STRIP2: variants seen among roughly 807,000 people sequenced by gnomAD.
STRIP2 encodes the protein striatin-interacting protein 2.
STRIP2 carries 84 observed loss-of-function variants against 107.1 expected under a neutral mutation model. The observed-to-expected ratio is 0.78, with a 90% CI of 0.66 to 0.94. The LOEUF (loss-of-function observed/expected upper bound fraction) is 0.94, where lower values mean the gene tolerates loss of function less well. Ranked by LOEUF, STRIP2 falls within the 40% of genes least tolerant of loss-of-function variation. The probability of loss-of-function intolerance (pLI) is 0.00; values close to 1 mark genes in which losing one functional copy is unlikely to be tolerated. For missense variants in STRIP2, 888 were observed against 1,034.2 expected (o/e 0.86, Z 1.94); for synonymous variants, 394 against 400.4 (o/e 0.98, Z 0.19).
chr7:129,456,616 C>G lies in STRIP2; in HGVS notation c.1012C>G (p.Leu338Val). 6.2e-7 allele frequency: 1 copy of G among 1,614,088 alleles called. No individual in the cohort carries two copies. The change falls in exon 9 of 21, where the codon CTG becomes GTG. Residue 338 changes from leucine (L) to valine (V), a missense_variant. Coordinates refer to ENST00000249344, the MANE Select transcript of STRIP2 (RefSeq NM_020704.3). ...TCAGCTGGCACCCCCACCCTCCAAG[C>G]TGCGAGGCCGCCGTGGCTCTCGAAG... ...ESQLAPPPSK[L>V]RGRRGSRRQL... is the part of the protein sequence containing the mutation.
intron 19 of STRIP2, 58 bp downstream of exon 19, chr7:129,480,947 A>T (rs1433101495): frequency 1.5e-6 from 2 of 1,339,818 alleles, no homozygotes; most frequent in Non-Finnish European, 2.1e-6. Flanking sequence ...TTAAAAGATC[A>T]CTAGTAAATA....
Position 129,434,470 on chromosome 7 carries a change from A to T in STRIP2, c.-3A>T. On this transcript the variant is annotated 5_prime_UTR_variant, in exon 1 of 21. Coordinates refer to ENST00000249344, the MANE Select transcript of STRIP2 (RefSeq NM_020704.3). ...ACCCTGAGGGGAGCCGCTGACCAGC[A>T]GCATGGAGGACCCCGCCGCGCCTGG... The T allele has an allele frequency of 6.6e-7, 1 of 1,509,996 alleles. No homozygotes were observed. The highest frequency in any genetic ancestry group is 8.8e-7 in the Non-Finnish European group (1 of 1,135,814). The allele number at this position is 1,509,996 out of a possible 1,614,324, so 93.5% of individuals were successfully genotyped here. A position where few individuals can be genotyped will look rare whatever the true frequency, so the allele number is the denominator to read the frequency against.
rs549243799 is a variant in STRIP2, at chr7:129,458,052, G to C, written c.1039-163G>C. On this transcript the variant is annotated intron_variant, in intron 9 of 20. Transcript: ENST00000249344. This position sits in a 1 kb window ranked among gnomAD's most constrained non-coding sequence, Gnocchi z 4.6. ...ACTTCTTGTCCTGTTATTGGGCCGG[G>C]TGGGGACAGTAGGTTAAGGTGGGGA... 1.2e-4 allele frequency: 82 copies of C among 690,136 alleles called. No homozygotes were observed. Among genetic ancestry groups the C allele is most frequent in the Non-Finnish European group, 2.1e-4 (79 of 377,708 alleles). 42.8% of individuals were successfully genotyped at this position (690,136 alleles called of 1,614,324 possible).
intron 1 of STRIP2, among the ~76,000 whole-genome samples, chr7:129,437,651 T>A (rs945281448): frequency 2.0e-5 from 3 of 152,132 alleles, no homozygotes; most frequent in African/African-American, 7.2e-5. Context: ...TTGAATTTTT[T>A]AAAGTTTTTA....
rs530732815 is a variant in STRIP2, at chr7:129,461,303, T to G, written c.1476+931T>G. ...CAATTGGAAATAAAGTCTAGAATTCTACAGAGAGGGCTGACTTTGAGAAAT... is the reference window on the plus strand; with the variant it reads ...CAATTGGAAATAAAGTCTAGAATTCGACAGAGAGGGCTGACTTTGAGAAAT... On this transcript the variant is annotated intron_variant, in intron 13 of 20. Coordinates refer to ENST00000249344, the MANE Select transcript of STRIP2 (RefSeq NM_020704.3). This position sits in a 1 kb window ranked among gnomAD's most constrained non-coding sequence, Gnocchi z 4.0. 6.6e-6 allele frequency among the ~76,000 whole-genome samples: 1 copy of G among 152,330 alleles called. No individual in the cohort carries two copies. The highest frequency in any genetic ancestry group is 6.5e-5 in the Admixed American group (1 of 15,310).
chr7:129,471,395 C>A (rs1455262069), intron 18 of STRIP2, among the ~76,000 whole-genome samples: 1 of 152,064 alleles, frequency 6.6e-6, no homozygotes, highest in Non-Finnish European at 1.5e-5. Flanking sequence ...GCATTTGTGT[C>A]TGTTTCTTAA....
chr7:129,442,988 A>G (rs1797939976), intron 2 of STRIP2, among the ~76,000 whole-genome samples: 1 of 151,922 alleles, frequency 6.6e-6, no homozygotes, highest in Middle Eastern at 3.4e-3. Flanking sequence ...AATGTTCTGG[A>G]GAGAGATAGA....
intron 5 of STRIP2, among the ~76,000 whole-genome samples, chr7:129,453,874 C>T (rs1274233507): frequency 1.3e-5 from 2 of 152,172 alleles, no homozygotes; most frequent in Non-Finnish European, 2.9e-5. Context: ...TTCTTAGCAT[C>T]TGTTTTATGT....
rs1221113647 is a variant in STRIP2, at chr7:129,459,500, T to C, written c.1341-17T>C. 1 of 1,612,436 alleles carries C rather than the reference T, an allele frequency of 6.2e-7. No individual in the cohort carries two copies. The highest frequency in any genetic ancestry group is 1.3e-5 in the African/African-American group (1 of 74,896). On this transcript the variant is annotated splice_polypyrimidine_tract_variant and intron_variant, in intron 11 of 20. Coordinates refer to ENST00000249344, the MANE Select transcript of STRIP2 (RefSeq NM_020704.3). ...TACTTTGGAAGCTTATGATCTGGTATGTCTGGCCTTTTACAGGGACACAGA... is the reference window on the plus strand; with the variant it reads ...TACTTTGGAAGCTTATGATCTGGTACGTCTGGCCTTTTACAGGGACACAGA...
chr7:129,479,312 A>T (rs1799056363), intron 18 of STRIP2, among the ~76,000 whole-genome samples: 1 of 151,414 alleles, frequency 6.6e-6, no homozygotes, highest in Non-Finnish European at 1.5e-5. Context: ...CCCTGTCTCT[A>T]TTAACCACAC....
At chr7:129,463,142 G>A in intron 14 of STRIP2, 102 bp downstream of exon 14, 1 of 979,510 alleles carries the variant, frequency 1.0e-6, no homozygotes. Flanking sequence ...CTTGTTTCCT[G>A]AGCCTTTGCC....
chr7:129,476,824 G>C (rs1204919398), intron 18 of STRIP2, among the ~76,000 whole-genome samples: 1 of 151,774 alleles, frequency 6.6e-6, no homozygotes, highest in African/African-American at 2.4e-5. Context: ...CAAGGCAGGC[G>C]GCTGGGAGGT....
Position 129,455,363 on chromosome 7 carries a change from G to A in STRIP2, c.826G>A (p.Val276Met). The change falls in exon 8 of 21, where the codon GTG (valine) becomes ATG (methionine). Residue 276 changes from valine (V) to methionine (M), a missense_variant. Transcript: ENST00000249344. The part of the protein sequence containing the change: ...IKKVLLLLWK[V>M]VMFTLGGFEH... The stretch of plus-strand genomic sequence containing the variant: ...GAAGGTCCTGCTCCTGCTCTGGAAG[G>A]TGGTCATGGTGAGTAATTCTCCCCA... 2 of 1,612,172 alleles carry A rather than the reference G, an allele frequency of 1.2e-6. No homozygotes were observed. The highest frequency in any genetic ancestry group is 1.7e-6 in the Non-Finnish European group (2 of 1,179,298).
At chr7:129,437,807 TTTTG>T (rs1797785659) in intron 1 of STRIP2, among the ~76,000 whole-genome samples, 1 of 151,064 alleles carries the variant, frequency 6.6e-6, no homozygotes, top group Non-Finnish European at 1.5e-5. Context: ...CCTTGTTTTT[TTTTG>T]TTTTTTTTTT....
Position 129,485,772 on chromosome 7 carries a change from C to T in STRIP2, c.2448C>T (p.Leu816=), listed in dbSNP as rs201042003. The stretch of plus-strand genomic sequence containing the variant: ...TCCACTATTCATATGAGCTCTGGCT[C>T]GAGAGAGAGGTGTTTTCACAGCCCA... The part of the protein sequence containing the change: ...EDFHYSYELW[L]EREVFSQPIC... The change falls in exon 21 of 21, where the codon CTC becomes CTT. Residue 816 remains leucine, a synonymous_variant. Coordinates refer to ENST00000249344, the MANE Select transcript of STRIP2 (RefSeq NM_020704.3). 2.5e-5 allele frequency: 41 copies of T among 1,613,950 alleles called. No individual in the cohort carries two copies. Among genetic ancestry groups the T allele is most frequent in the East Asian group, 4.5e-5 (2 of 44,892 alleles).
chr7:129,453,784 C>A (rs182288955), intron 5 of STRIP2, among the ~76,000 whole-genome samples: 6 of 152,356 alleles, frequency 3.9e-5, no homozygotes, highest in African/African-American at 1.2e-4. Flanking sequence ...GCTACCACTA[C>A]AGTGACCCCT....
At position 129,483,382 on chromosome 7, in the gene STRIP2, AAGAT is replaced by A. The variant is rs1174297289; in HGVS notation, c.2254+340_2254+343del. On this transcript the variant is annotated intron_variant, in intron 20 of 20. Coordinates refer to ENST00000249344, the MANE Select transcript of STRIP2 (RefSeq NM_020704.3). This position sits in a 1 kb window ranked among gnomAD's most constrained non-coding sequence, Gnocchi z 5.1. ...TATTATTACAAAGCAGTTAGAAAAA[AAGAT>A]AGAAAATACAAGTAAACAAACATTT... The A allele has an allele frequency of 5.4e-5, 51 of 938,066 alleles. No individual in the cohort carries two copies. The African/African-American group carries it at 6.4e-4, about 12-fold the overall frequency. The allele number at this position is 938,066 out of a possible 1,614,324, so 58.1% of individuals were successfully genotyped here.
intron 4 of STRIP2, among the ~76,000 whole-genome samples, 185 bp from the exon 5 acceptor site, chr7:129,453,042 A>G (rs188414629): frequency 6.6e-6 from 1 of 152,148 alleles, no homozygotes; most frequent in East Asian, 1.9e-4. Context: ...ATTGGACCTA[A>G]CCCTGGAGAC....
At chr7:129,440,417 C>G (rs1314461272) in intron 2 of STRIP2, among the ~76,000 whole-genome samples, 1 of 152,174 alleles carries the variant, frequency 6.6e-6, no homozygotes, top group East Asian at 1.9e-4. Flanking sequence ...TATTCCTTCT[C>G]TTTTTCTCTT....
Sources: allele counts gnomAD v4.1 joint callset (sites outside exome capture counted in the v4.1 genomes callset), GRCh38; gene constraint gnomAD v4.1.1; non-coding constraint Gnocchi (gnomAD v3.1); transcripts MANE v1.5; gene names NCBI Gene and HGNC (gene_info 2026-07-23, HGNC 2026-07-21).